Variants in COL16A1 observed in about 807,000 individuals in gnomAD.
COL16A1 encodes the protein collagen alpha-1(XVI) chain.
In COL16A1, 189 loss-of-function variants were observed where a neutral mutation model predicts 266.3. That is an observed-to-expected ratio of 0.71 (90% CI 0.63 to 0.80). The LOEUF is 0.80. Among genes scored for constraint, COL16A1 ranks in the 30% least tolerant of loss-of-function variants. The pLI is 0.00. For missense variants in COL16A1, 1,928 were observed against 2,122.4 expected (o/e 0.91, Z 1.80); for synonymous variants, 740 against 782.3 (o/e 0.95, Z 0.90).
chr1:31,676,324 CAAAAAA>C (rs11449957), intron 42 of COL16A1, among the ~76,000 whole-genome samples: 1 of 100,332 alleles, frequency 1.0e-5, no homozygotes. Flanking sequence ...GACTCCGTCT[CAAAAAA>C]AAAAAAAAAA....
At position 31,668,307 on chromosome 1, in the gene COL16A1, T is replaced by C; in HGVS notation, c.3250-89A>G. The C allele has an allele frequency of 7.1e-7, 1 of 1,401,086 alleles. No homozygotes were observed. Among genetic ancestry groups the C allele is most frequent in the Admixed American group, 1.8e-5 (1 of 56,222 alleles). 86.8% of individuals were successfully genotyped at this position (1,401,086 alleles called of 1,614,324 possible). The stretch of plus-strand genomic sequence containing the variant: ...AGAGGATGGCCAAAGCTAAAACCTC[T>C]GGGGCTGCCATCTAGCAGGTGCCAG... On this transcript the variant is annotated intron_variant, in intron 50 of 70. Transcript: ENST00000373672. This position sits in a 1 kb window ranked among gnomAD's most constrained non-coding sequence, Gnocchi z 5.8.
In COL16A1 at chr1:31,679,344, G is replaced by A. The variant is rs887933062; in HGVS notation, c.2772+288C>T. On this transcript the variant is annotated intron_variant, in intron 42 of 70. Transcript: ENST00000373672. ...GTTGAATGCTACTCCAAAACAGTGG[G>A]CCGGGCTCTGTACCAGGGTAAGGGA... is the stretch of plus-strand genomic sequence containing the variant. 13 of 1,413,658 alleles carry A rather than the reference G, an allele frequency of 9.2e-6. No homozygotes were observed. In the African/African-American group the frequency reaches 1.4e-4, roughly 16 times the overall value. The allele number at this position is 1,413,658 out of a possible 1,614,324, so 87.6% of individuals were successfully genotyped here. A position where few individuals can be genotyped will look rare whatever the true frequency, so the allele number is the denominator to read the frequency against.
At position 31,675,248 on chromosome 1, in the gene COL16A1, C is replaced by T. The variant is rs571866552; in HGVS notation, c.2826+10G>A. 14 of 1,614,206 alleles carry T rather than the reference C, an allele frequency of 8.7e-6. No individual in the cohort carries two copies. Among genetic ancestry groups the T allele is most frequent in the South Asian group, 3.3e-5 (3 of 91,080 alleles). Reference sequence around the variant, plus strand: ...AGGGGCATGCACAGGGAGTCCTGGCCAGTACCCACCAGTTCTGCAGTGAGC... The same window carrying T: ...AGGGGCATGCACAGGGAGTCCTGGCTAGTACCCACCAGTTCTGCAGTGAGC... On this transcript the variant is annotated intron_variant, in intron 43 of 70. Coordinates refer to ENST00000373672, the MANE Select transcript of COL16A1 (RefSeq NM_001856.4).
rs201113009 is a variant in COL16A1 at position 31,656,451 on chromosome 1, G to A, written c.4057-7C>T. 163 of 1,612,134 alleles carry A rather than the reference G, an allele frequency of 1.0e-4. 1 individual carries two copies. In the East Asian group the frequency reaches 3.6e-3, roughly 35 times the overall value. ...CCTGCTTTCCAGGGGGTCCCTAGAG[G>A]AAAGCAAAAGTCAGAGGTGAAGTCC... On this transcript the variant is annotated splice_region_variant and splice_polypyrimidine_tract_variant and intron_variant, in intron 65 of 70. Transcript: ENST00000373672. The surrounding 1 kb of genome is among the most constrained non-coding windows in gnomAD (Gnocchi z 4.2).
intron 68 of COL16A1, 77 bp downstream of exon 68, chr1:31,654,715 A>G (rs1640951289): frequency 1.9e-6 from 3 of 1,610,736 alleles, no homozygotes; most frequent in East Asian, 4.5e-5. Context: ...GTTAAGGAGA[A>G]AGAGGCCAAG....
chr1:31,691,074 G>C, intron 20 of COL16A1, 114 bp downstream of exon 20: 1 of 1,499,722 alleles, frequency 6.7e-7, no homozygotes, highest in Non-Finnish European at 9.0e-7. Flanking sequence ...TCCTCCAAAG[G>C]CCCGGCCTCC....
Position 31,698,336 on chromosome 1 carries a change from GTA to G in COL16A1, c.390+145_390+146del, listed in dbSNP as rs559454201. 34 of 1,520,388 alleles carry G rather than the reference GTA, an allele frequency of 2.2e-5. No homozygotes were observed. In the African/African-American group the frequency reaches 4.1e-4, roughly 19 times the overall value. 94.2% of individuals were successfully genotyped at this position (1,520,388 alleles called of 1,614,324 possible). On this transcript the variant is annotated intron_variant, in intron 5 of 70. Transcript: ENST00000373672. The surrounding 1 kb of genome is among the most constrained non-coding windows in gnomAD (Gnocchi z 4.1). ...GAGCTATACATCCTGAAAGAATGAG[GTA>G]GGTACTGGTGGGCTGGGGACAGGCT... is the stretch of plus-strand genomic sequence containing the variant.
chr1:31,655,953 C>G (rs1453052549), intron 66 of COL16A1: 1 of 297,196 alleles, frequency 3.4e-6, no homozygotes, highest in Non-Finnish European at 6.3e-6. Flanking sequence ...TCTCTGCAGC[C>G]TCTCCGACTC....
At chr1:31,661,910 A>C in intron 58 of COL16A1, 1 of 640,304 alleles carries the variant, frequency 1.6e-6, no homozygotes, top group South Asian at 2.0e-5. Context: ...TTTGGGATAT[A>C]TAAGGGGGTT....
Position 31,697,962 on chromosome 1 carries a change from T to G in COL16A1, c.601A>C (p.Arg201=). The part of the protein sequence containing the change: ...SQPLGPRRPM[R]PVGHVFLGLD... ...CCTAGAAATACATGGCCCACAGGCCTCATGGGTCGTCGGGGCCCCAGAGGC... is the reference window on the plus strand; with the variant it reads ...CCTAGAAATACATGGCCCACAGGCCGCATGGGTCGTCGGGGCCCCAGAGGC... The change falls in exon 6 of 71, where the codon AGG becomes CGG. Residue 201 remains arginine, a synonymous_variant. Transcript: ENST00000373672. This position sits in a 1 kb window ranked among gnomAD's most constrained non-coding sequence, Gnocchi z 4.2. The G allele has an allele frequency of 2.5e-6, 4 of 1,612,522 alleles. No individual in the cohort carries two copies. Among genetic ancestry groups the G allele is most frequent in the South Asian group, 1.1e-5 (1 of 91,058 alleles).
At chr1:31,696,209 C>T in intron 8 of COL16A1, 68 bp from the exon 9 acceptor site, 1 of 1,457,998 alleles carries the variant, frequency 6.9e-7, no homozygotes, top group Non-Finnish European at 9.6e-7. Context: ...TGGAAAGGGG[C>T]ACCCAGGCAG....
intron 23 of COL16A1, chr1:31,689,366 G>A (rs1344476596): frequency 8.4e-6 from 5 of 591,836 alleles, no homozygotes; most frequent in Non-Finnish European, 1.5e-5. Flanking sequence ...GCTCCTGAAA[G>A]AGGGGGTCTG....
Position 31,653,527 on chromosome 1 carries a change from C to T in COL16A1, c.4612+72G>A, listed in dbSNP as rs183016801. On this transcript the variant is annotated intron_variant, in intron 70 of 70. Coordinates refer to ENST00000373672, the MANE Select transcript of COL16A1 (RefSeq NM_001856.4). ...TATTTGGAGTTTGACACAGCTGTGT[C>T]ATAGAAGAAACAGAAAGAAAAGGGG... 106 of 1,519,176 alleles carry T rather than the reference C, an allele frequency of 7.0e-5. 1 individual carries two copies. The East Asian group carries it at 2.0e-3, about 29-fold the overall frequency. The allele number at this position is 1,519,176 out of a possible 1,614,324, so 94.1% of individuals were successfully genotyped here.
chr1:31,695,722 C>T (rs1644466762), intron 10 of COL16A1, 39 bp downstream of exon 10: 2 of 1,609,238 alleles, frequency 1.2e-6, no homozygotes, highest in East Asian at 4.5e-5. Flanking sequence ...AGGGTTCATG[C>T]TGGCACCTCC....
Position 31,698,746 on chromosome 1 carries a change from A to C in COL16A1, c.267-140T>G. The C allele has an allele frequency of 2.0e-5, 28 of 1,373,874 alleles. No individual in the cohort carries two copies. The highest frequency in any genetic ancestry group is 2.7e-5 in the Non-Finnish European group (28 of 1,028,704). 85.1% of individuals were successfully genotyped at this position (1,373,874 alleles called of 1,614,324 possible). On this transcript the variant is annotated intron_variant, in intron 4 of 70. Transcript: ENST00000373672. The surrounding 1 kb of genome is among the most constrained non-coding windows in gnomAD (Gnocchi z 4.1). ...CATCATATACATTCATTCACTCTCC[A>C]TACCTTTACTGAGTGCCTTCCGCGA... is the stretch of plus-strand genomic sequence containing the variant.
Position 31,661,701 on chromosome 1 carries a change from C to G in COL16A1, c.3685G>C (p.Asp1229His). The change falls in exon 59 of 71, where the codon GAC (aspartate) becomes CAC (histidine). Residue 1229 changes from aspartate to histidine, a missense_variant. Asp to His is a moderately conservative substitution (Grantham distance 81). Around this residue, in one of 2 missense-constraint regions of COL16A1, gnomAD observed 1,552 missense variants for 1,637.2 expected, o/e 0.95. Transcript: ENST00000373672. ...GKDGKPGLRG[D>H]PGPAGPPGLM... Reference sequence around the variant, plus strand: ...CCAGGGGGGCCAGCAGGACCAGGGTCCCCCTAGGGAAAGAGACGAGGAGGA... The same window carrying G: ...CCAGGGGGGCCAGCAGGACCAGGGTGCCCCTAGGGAAAGAGACGAGGAGGA... The G allele has an allele frequency of 2.5e-6, 4 of 1,597,358 alleles. No homozygotes were observed. The highest frequency in any genetic ancestry group is 3.4e-6 in the Non-Finnish European group (4 of 1,175,700).
chr1:31,657,108 C>T lies in COL16A1; in HGVS notation c.4021-40G>A. 1 of 1,614,048 alleles carries T rather than the reference C, an allele frequency of 6.2e-7. No homozygotes were observed. Among genetic ancestry groups the T allele is most frequent in the Non-Finnish European group, 8.5e-7 (1 of 1,179,934 alleles). ...GCAATGGAGACATGAGGAGCTCCAA[C>T]CCAGTTTGGTGTCAGATGCCTCACT... On this transcript the variant is annotated intron_variant, in intron 64 of 70. Transcript: ENST00000373672. The surrounding 1 kb of genome is among the most constrained non-coding windows in gnomAD (Gnocchi z 6.4).
chr1:31,659,096 T>C, intron 62 of COL16A1, 132 bp from the exon 63 acceptor site: 2 of 842,690 alleles, frequency 2.4e-6, no homozygotes, highest in Non-Finnish European at 3.8e-6. Context: ...TCCTTCGCTC[T>C]GGTCTTGCAC....
In COL16A1 at chr1:31,668,596, A is replaced by C. The variant is rs1642355750; in HGVS notation, c.3249+206T>G. 6.6e-6 allele frequency among the ~76,000 whole-genome samples: 1 copy of C among 152,056 alleles called. No homozygotes were observed. The highest frequency in any genetic ancestry group is 1.5e-5 in the Non-Finnish European group (1 of 68,000). On this transcript the variant is annotated intron_variant, in intron 50 of 70. Transcript: ENST00000373672. The surrounding 1 kb of genome is among the most constrained non-coding windows in gnomAD (Gnocchi z 5.8). ...GGGGCTGTGCATGCTTCTGGCAGGGAGTCAGGGCACATGGAGATCGGCCTC... is the reference window on the plus strand; with the variant it reads ...GGGGCTGTGCATGCTTCTGGCAGGGCGTCAGGGCACATGGAGATCGGCCTC...
Sources: allele counts gnomAD v4.1 joint callset (sites outside exome capture counted in the v4.1 genomes callset), GRCh38; gene constraint gnomAD v4.1.1; regional missense constraint gnomAD v4.1.1; non-coding constraint Gnocchi (gnomAD v3.1); transcripts MANE v1.5; gene names NCBI Gene and HGNC (gene_info 2026-07-23, HGNC 2026-07-21).